The following GALNT2 variants were observed in gnomAD, a reference collection of about 807,000 sequenced individuals.
GALNT2 encodes polypeptide N-acetylgalactosaminyltransferase 2, also known as UDP-GalNAc:polypeptide N-acetylgalactosaminyltransferase 2.
GALNT2 carries 31 observed loss-of-function variants against 81.4 expected under a neutral mutation model. The ratio of observed to expected loss-of-function variants is 0.38; its 90% CI spans 0.29 to 0.51. GALNT2 has a LOEUF of 0.51. Ranked by LOEUF, GALNT2 falls within the 20% of genes least tolerant of loss-of-function variation. GALNT2 has a pLI of 0.87. For missense variants in GALNT2, 629 were observed against 765.7 expected (o/e 0.82, Z 2.11); for synonymous variants, 303 against 287.4 (o/e 1.05, Z -0.55).
chr1:230,087,627 C>A (rs1413542099), intron 1 of GALNT2, among the ~76,000 whole-genome samples: 1 of 152,226 alleles, frequency 6.6e-6, no homozygotes, highest in African/African-American at 2.4e-5. Context: ...TTAGAAAAAG[C>A]TCCCCATGTG....
At chr1:230,232,981 T>C (rs991741791) in intron 3 of GALNT2, among the ~76,000 whole-genome samples, 2 of 152,206 alleles carry the variant, frequency 1.3e-5, no homozygotes, top group Non-Finnish European at 2.9e-5. Flanking sequence ...AAGAAGCCCA[T>C]TTTGTGATTC....
chr1:230,077,632 A>G (rs528743261), intron 1 of GALNT2, among the ~76,000 whole-genome samples: 1 of 152,200 alleles, frequency 6.6e-6, no homozygotes, highest in Non-Finnish European at 1.5e-5. Context: ...AAGTGTTCTA[A>G]AAGTTTTTCA....
intron 1 of GALNT2, among the ~76,000 whole-genome samples, chr1:230,124,108 A>G (rs1661102631): frequency 6.6e-6 from 1 of 152,232 alleles, no homozygotes; most frequent in Admixed American, 6.5e-5. Flanking sequence ...GCCTGGCTCA[A>G]CTTTAAAAAG....
chr1:230,204,312 C>G (rs1290735532), intron 3 of GALNT2, among the ~76,000 whole-genome samples: 1 of 152,028 alleles, frequency 6.6e-6, no homozygotes. Flanking sequence ...GGAATTACAG[C>G]TGCCTGCCAC....
At chr1:230,122,087 C>A (rs1157985529) in intron 1 of GALNT2, among the ~76,000 whole-genome samples, 3 of 151,652 alleles carry the variant, frequency 2.0e-5, no homozygotes, top group Admixed American at 6.6e-5. Flanking sequence ...CCAGTGTTCA[C>A]CCTTCCTCCT....
At chr1:230,245,897 C>T (rs1468256247) in intron 7 of GALNT2, among the ~76,000 whole-genome samples, 166 bp from the exon 8 acceptor site, 1 of 152,180 alleles carries the variant, frequency 6.6e-6, no homozygotes, top group African/African-American at 2.4e-5. Context: ...AGAGCAAGAC[C>T]TTCTGGGTCT....
rs762432658 is a variant in GALNT2 at position 230,243,320 on chromosome 1, C to T, written c.622C>T (p.Arg208Trp). 1.9e-6 allele frequency: 3 copies of T among 1,606,454 alleles called. No individual in the cohort carries two copies. The highest frequency in any genetic ancestry group is 1.1e-5 in the South Asian group (1 of 90,712). The change falls in exon 7 of 16, where the codon CGG (arginine) becomes TGG (tryptophan). Residue 208 changes from arginine to tryptophan, a missense_variant. By Grantham distance (101) the Arg-to-Trp change is moderately radical. Around this residue, in one of 3 missense-constraint regions of GALNT2, gnomAD observed 360 missense variants for 492.8 expected, o/e 0.73. Coordinates refer to ENST00000366672, the MANE Select transcript of GALNT2 (RefSeq NM_004481.5). This position sits in a 1 kb window ranked among gnomAD's most constrained non-coding sequence, Gnocchi z 4.2. ...CGCCTCTGCAGGCCTCATGCGCTCA[C>T]GGGTTCGGGGGGCCGATGCTGCCCA... ...NDRREGLMRS[R>W]VRGADAAQAK...
rs147911877 is a variant in GALNT2 at position 230,157,576 on chromosome 1, C to G, written c.127-20642C>G. On this transcript the variant is annotated intron_variant, in intron 1 of 15. Coordinates refer to ENST00000366672, the MANE Select transcript of GALNT2 (RefSeq NM_004481.5). ...CCAAAACTGGAAACTACGTAACTGT[C>G]CCACGACTGGGGAATGGATGAACAA... Among the ~76,000 whole-genome samples the G allele has an allele frequency of 5.8e-3, 877 of 152,270 alleles. 3 individuals are homozygous for G. Among genetic ancestry groups the G allele is most frequent in the Non-Finnish European group, 9.6e-3 (650 of 68,016 alleles).
At chr1:230,262,873 C>G in intron 12 of GALNT2, 49 bp from the exon 13 acceptor site, 1 of 1,554,244 alleles carries the variant, frequency 6.4e-7, no homozygotes. Context: ...TGTAGAAAGC[C>G]CATCTATTCT....
chr1:230,236,597 G>A, intron 5 of GALNT2, 63 bp from the exon 6 acceptor site: 1 of 1,530,566 alleles, frequency 6.5e-7, no homozygotes, highest in Non-Finnish European at 9.0e-7. Flanking sequence ...GAATACTATG[G>A]TTGAATGCAA....
At chr1:230,136,446 AAC>A (rs1661544510) in intron 1 of GALNT2, among the ~76,000 whole-genome samples, 1 of 152,134 alleles carries the variant, frequency 6.6e-6, no homozygotes, top group Admixed American at 6.5e-5. Flanking sequence ...AATGTTTCAA[AAC>A]ACACATTCAT....
chr1:230,161,510 T>C (rs1662437254), intron 1 of GALNT2, among the ~76,000 whole-genome samples: 1 of 152,196 alleles, frequency 6.6e-6, no homozygotes, highest in Admixed American at 6.5e-5. Flanking sequence ...TGCAGTCCAG[T>C]CCCCAAAATC....
At chr1:230,087,929 T>C (rs1659946181) in intron 1 of GALNT2, among the ~76,000 whole-genome samples, 1 of 152,228 alleles carries the variant, frequency 6.6e-6, no homozygotes, top group South Asian at 2.1e-4. Context: ...ATAAAAACGA[T>C]GAACAGCAGA....
chr1:230,133,061 GT>G (rs901246524), intron 1 of GALNT2, among the ~76,000 whole-genome samples: 2 of 152,080 alleles, frequency 1.3e-5, no homozygotes, highest in African/African-American at 2.4e-5. Context: ...TTGCAGTTTG[GT>G]TTTTTTCCCT....
chr1:230,207,593 AT>A (rs1300865822), intron 3 of GALNT2, among the ~76,000 whole-genome samples: 4 of 149,890 alleles, frequency 2.7e-5, no homozygotes, highest in Admixed American at 1.3e-4. Flanking sequence ...AGCCCATCTT[AT>A]TTTTTTTTTC....
intron 1 of GALNT2, among the ~76,000 whole-genome samples, chr1:230,058,403 G>A (rs1454684544): frequency 6.6e-6 from 1 of 152,140 alleles, no homozygotes; most frequent in Non-Finnish European, 1.5e-5. Flanking sequence ...TGCTGTGCTC[G>A]GTCGCTTTCC....
chr1:230,279,283 C>T lies in GALNT2; in HGVS notation c.1561-20C>T, dbSNP rs1306068583. On this transcript the variant is annotated intron_variant, in intron 15 of 15. Coordinates refer to ENST00000366672, the MANE Select transcript of GALNT2 (RefSeq NM_004481.5). This position sits in a 1 kb window ranked among gnomAD's most constrained non-coding sequence, Gnocchi z 4.6. ...CTTTGCTTGTGCCCACACTCTAAGG[C>T]ACTCTCCTGTGTCTTGCAGAAATGG... 1.2e-6 allele frequency: 2 copies of T among 1,609,036 alleles called. No individual in the cohort carries two copies. Among genetic ancestry groups the T allele is most frequent in the South Asian group, 1.1e-5 (1 of 90,502 alleles).
chr1:230,278,406 T>G (rs1666353121), intron 15 of GALNT2, among the ~76,000 whole-genome samples: 1 of 152,130 alleles, frequency 6.6e-6, no homozygotes, highest in East Asian at 1.9e-4. Context: ...ATTAGTGTCG[T>G]GAGCCGCCTG....
intron 7 of GALNT2, among the ~76,000 whole-genome samples, chr1:230,245,244 A>C (rs1221917928): frequency 6.6e-6 from 1 of 152,088 alleles, no homozygotes; most frequent in African/African-American, 2.4e-5. Context: ...CAGGCAGATC[A>C]CCTGAGGTCA....
Sources: gnomAD v4.1 joint callset for allele counts (sites outside exome capture counted in the v4.1 genomes callset) on GRCh38, gnomAD v4.1.1 for gene constraint, gnomAD v4.1.1 regional missense constraint, Gnocchi (gnomAD v3.1) non-coding constraint, MANE v1.5 for transcripts, NCBI Gene and HGNC (gene_info 2026-07-23, HGNC 2026-07-21) for gene names.